OPHN1: variants seen among roughly 807,000 people sequenced by gnomAD.
The protein encoded by OPHN1 is oligophrenin-1.
OPHN1 carries 11 observed loss-of-function variants against 60.7 expected under a neutral mutation model. That is an observed-to-expected ratio of 0.18 (90% confidence interval 0.11 to 0.30). The LOEUF is 0.30. Among genes scored for constraint, OPHN1 ranks in the 10% least tolerant of loss-of-function variants. The pLI is 1.00. For synonymous variants in OPHN1, 226 were observed against 222.6 expected (o/e 1.02, Z -0.14); for missense variants, 449 against 611.0 (o/e 0.73, Z 2.80).
At chrX:68,342,423 A>G (rs1217511531) in intron 2 of OPHN1, among the ~76,000 whole-genome samples, 1 of 112,090 alleles carries the variant, frequency 8.9e-6, no homozygotes, top group Non-Finnish European at 1.9e-5. Context: ...AGGTAGGTAT[A>G]CAGATAAAAC....
intron 16 of OPHN1, among the ~76,000 whole-genome samples, chrX:68,118,337 C>G (rs1277335950): frequency 8.9e-6 from 1 of 112,081 alleles, no homozygotes; most frequent in Non-Finnish European, 1.9e-5. Context: ...AGAATAAACC[C>G]TCCAATAACA....
chrX:68,055,774 T>TA (rs2147351388), intron 21 of OPHN1, among the ~76,000 whole-genome samples: 1 of 111,848 alleles, frequency 8.9e-6, no homozygotes, highest in East Asian at 2.8e-4. Flanking sequence ...TATGCAGCCA[T>TA]AAAAAAGGAT....
chrX:68,179,684 C>T (rs914489645), intron 15 of OPHN1, among the ~76,000 whole-genome samples: 2 of 112,048 alleles, frequency 1.8e-5, no homozygotes, highest in African/African-American at 6.5e-5. Context: ...TCTCCATCCA[C>T]TGCTTCCCAC....
chrX:68,079,967 A>G (rs1476195663), intron 19 of OPHN1, among the ~76,000 whole-genome samples: 1 of 111,185 alleles, frequency 9.0e-6, no homozygotes, highest in Non-Finnish European at 1.9e-5. Context: ...GTTGAGTCTC[A>G]TCATGTCTCT....
intron 2 of OPHN1, among the ~76,000 whole-genome samples, chrX:68,331,365 T>C (rs1329133195): frequency 5.5e-5 from 6 of 108,879 alleles, no homozygotes; most frequent in Non-Finnish European, 9.5e-5. Flanking sequence ...CTGCCCTTGG[T>C]GAGAGAAAGT....
At chrX:68,192,539 C>T (rs1473119244) in intron 15 of OPHN1, among the ~76,000 whole-genome samples, 1 of 109,347 alleles carries the variant, frequency 9.1e-6, no homozygotes, top group African/African-American at 3.3e-5. Flanking sequence ...GTCACGAAGT[C>T]ATGTAAGGAG....
intron 3 of OPHN1, among the ~76,000 whole-genome samples, chrX:68,285,420 T>C (rs1031270580): frequency 2.7e-5 from 3 of 111,533 alleles, no homozygotes; most frequent in Non-Finnish European, 5.6e-5. Context: ...ATGTTGTGAC[T>C]GTTTTCATTC....
Position 68,044,076 on chromosome X carries a change from G to T in OPHN1, c.*3096C>A, listed in dbSNP as rs997253453. 8.0e-5 allele frequency: 9 copies of T among 112,646 alleles called. No individual in the cohort carries two copies. Among genetic ancestry groups the T allele is most frequent in the Non-Finnish European group, 1.9e-5 (1 of 53,347 alleles). 9.3% of individuals were successfully genotyped at this position (112,646 alleles called of 1,213,427 possible). A position where few individuals can be genotyped will look rare whatever the true frequency, so the allele number is the denominator to read the frequency against. ...TCATCTTAAAAACATTACCAAATGTGCAAGCTGAATATGAAGAGAAAGCCT... is the reference window on the plus strand; with the variant it reads ...TCATCTTAAAAACATTACCAAATGTTCAAGCTGAATATGAAGAGAAAGCCT... On this transcript the variant is annotated 3_prime_UTR_variant, in exon 25 of 25. Coordinates refer to ENST00000355520, the MANE Select transcript of OPHN1 (RefSeq NM_002547.3).
chrX:68,262,050 G>A (rs2077896305), intron 5 of OPHN1, among the ~76,000 whole-genome samples: 1 of 111,563 alleles, frequency 9.0e-6, no homozygotes, highest in Non-Finnish European at 1.9e-5. Flanking sequence ...AAGAGTTTAA[G>A]TATATTATTT....
At chrX:68,053,885 T>C in intron 21 of OPHN1, 75 bp from the exon 22 acceptor site, 1 of 1,083,877 alleles carries the variant, frequency 9.2e-7, no homozygotes, top group South Asian at 1.9e-5. Context: ...GCACCCAATA[T>C]GAGAGTTACC....
intron 1 of OPHN1, 38 bp from the exon 2 acceptor site, chrX:68,433,062 A>T: frequency 8.7e-7 from 1 of 1,150,424 alleles, no homozygotes. Flanking sequence ...GAAAGACACA[A>T]AGACCGAGAG....
At chrX:68,082,485 T>C (rs886956457) in intron 19 of OPHN1, among the ~76,000 whole-genome samples, 1 of 112,556 alleles carries the variant, frequency 8.9e-6, no homozygotes, top group Non-Finnish European at 1.9e-5. Context: ...TTAGTAGGCA[T>C]GGAAACAACA....
rs776559233 is a variant in OPHN1 at position 68,096,890 on chromosome X, G to A, written c.1666C>T (p.Leu556=). Residue 556 remains leucine, a synonymous_variant, in exon 19 of 25, where the codon CTA becomes TTA. Transcript: ENST00000355520. ...CATACCTTGCCAAAGTGCTCGATTA[G>A]TATTTCCACCACTATGTTCTGGAAT... The part of the protein sequence containing the change: ...IKFQNIVVEI[L]IEHFGKIYLG... The A allele has an allele frequency of 6.6e-6, 8 of 1,208,963 alleles. No individual in the cohort carries two copies. The highest frequency in any genetic ancestry group is 5.3e-5 in the African/African-American group (3 of 57,119).
At chrX:68,351,482 G>C (rs2147704447) in intron 2 of OPHN1, among the ~76,000 whole-genome samples, 1 of 111,309 alleles carries the variant, frequency 9.0e-6, no homozygotes, top group African/African-American at 3.3e-5. Context: ...AAGCACATAA[G>C]TACACTGCTA....
In OPHN1 at chrX:68,052,522, G is replaced by T. The variant is rs771307398; in HGVS notation, c.2375+18C>A. ...TAAAAGGCGATTTGGTTTTTCTTTTGTCACCTCCATATCTTACCTTCCTGT... is the reference window on the plus strand; with the variant it reads ...TAAAAGGCGATTTGGTTTTTCTTTTTTCACCTCCATATCTTACCTTCCTGT... On this transcript the variant is annotated intron_variant, in intron 23 of 24. Coordinates refer to ENST00000355520, the MANE Select transcript of OPHN1 (RefSeq NM_002547.3). 1 of 1,198,297 alleles carries T rather than the reference G, an allele frequency of 8.3e-7. No homozygotes were observed. The highest frequency in any genetic ancestry group is 1.1e-6 in the Non-Finnish European group (1 of 886,850).
intron 21 of OPHN1, among the ~76,000 whole-genome samples, chrX:68,063,553 TAC>T (rs1438268197): frequency 1.8e-5 from 2 of 110,073 alleles, no homozygotes; most frequent in East Asian, 5.7e-4. Flanking sequence ...TTAAGAATAA[TAC>T]ATTCTTTACA....
intron 15 of OPHN1, among the ~76,000 whole-genome samples, chrX:68,138,468 T>C (rs753873878): frequency 7.1e-5 from 8 of 112,046 alleles, no homozygotes; most frequent in Admixed American, 1.9e-4. Flanking sequence ...AGTTCATGTA[T>C]TGTATGACTA....
intron 5 of OPHN1, among the ~76,000 whole-genome samples, chrX:68,273,134 G>A (rs1300330111): frequency 9.0e-6 from 1 of 111,655 alleles, no homozygotes; most frequent in African/African-American, 3.3e-5. Context: ...TTCATGGCCA[G>A]GCATGGTGGC....
At chrX:68,285,876 A>G (rs372150197) in intron 3 of OPHN1, among the ~76,000 whole-genome samples, 2 of 111,119 alleles carry the variant, frequency 1.8e-5, no homozygotes, top group South Asian at 7.6e-4. Flanking sequence ...TCCTTTAAAA[A>G]AAATCTATCT....
Sources: gnomAD v4.1 joint callset for allele counts (sites outside exome capture counted in the v4.1 genomes callset) on GRCh38, gnomAD v4.1.1 for gene constraint, MANE v1.5 for transcripts, NCBI Gene and HGNC (gene_info 2026-07-23, HGNC 2026-07-21) for gene names.